The following PKIG variants were observed in gnomAD, a reference collection of about 807,000 sequenced individuals.
PKIG encodes cAMP-dependent protein kinase inhibitor gamma.
PKIG carries 1 observed loss-of-function variant against 6.8 expected under a neutral mutation model. The observed-to-expected ratio is 0.15, with a 90% CI of 0.05 to 0.69. The LOEUF (loss-of-function observed/expected upper bound fraction) is 0.69. Among genes scored for constraint, PKIG ranks in the 30% least tolerant of loss-of-function variants. PKIG has a pLI of 0.82. For synonymous variants in PKIG, 39 were observed against 43.0 expected, an observed-to-expected ratio of 0.91 and a Z score of 0.36; for missense variants, 77 against 104.0, an observed-to-expected ratio of 0.74 and a Z score of 1.13.
intron 1 of PKIG, among the ~76,000 whole-genome samples, chr20:44,568,506 G>T (rs915934942): frequency 6.6e-6 from 1 of 150,990 alleles, no homozygotes; most frequent in African/African-American, 2.4e-5. Flanking sequence ...TTACTCTGTC[G>T]CCTGGGCTGG....
chr20:44,598,591 T>C (rs1226959828), intron 2 of PKIG: 1 of 152,202 alleles, frequency 6.6e-6, no homozygotes, highest in African/African-American at 2.4e-5. Context: ...GATCTCACTT[T>C]CCCTTCCTTC....
chr20:44,580,354 G>GTT (rs949953923), upstream of PKIG, among the ~76,000 whole-genome samples: 1 of 147,038 alleles, frequency 6.8e-6, no homozygotes, highest in Non-Finnish European at 1.5e-5. Flanking sequence ...TTTGTTTTTT[G>GTT]TTTTTTTTTT....
chr20:44,573,277 T>C (rs553100932), intron 1 of PKIG, among the ~76,000 whole-genome samples: 4 of 152,314 alleles, frequency 2.6e-5, no homozygotes, highest in Admixed American at 2.0e-4. Context: ...TGTCTCCCCC[T>C]CTCTCTCTCT....
intron 1 of PKIG, among the ~76,000 whole-genome samples, chr20:44,550,761 C>T (rs3091751): frequency 1.9e-4 from 29 of 152,062 alleles, no homozygotes; most frequent in African/African-American, 5.6e-4. Context: ...AGGCAGAGAG[C>T]GGGACAGTAA....
intron 1 of PKIG, among the ~76,000 whole-genome samples, chr20:44,552,624 C>T (rs1263051242): frequency 2.0e-5 from 3 of 152,162 alleles, no homozygotes; most frequent in African/African-American, 4.8e-5. Flanking sequence ...GTATATAAAT[C>T]TAACCCAACC....
chr20:44,602,281 A>G (rs1290779614), intron 2 of PKIG, among the ~76,000 whole-genome samples: 2 of 152,226 alleles, frequency 1.3e-5, no homozygotes, highest in African/African-American at 4.8e-5. Flanking sequence ...AGATTTCAGC[A>G]AAAACCACCT....
Position 44,614,612 on chromosome 20 carries a change from G to A in PKIG, c.56G>A (p.Arg19His), listed in dbSNP as rs1264736024. 6.2e-7 allele frequency: 1 copy of A among 1,613,952 alleles called. No individual in the cohort carries two copies. Among genetic ancestry groups the A allele is most frequent in the African/African-American group, 1.3e-5 (1 of 74,914 alleles). Residue 19 changes from arginine to histidine, a missense_variant, in exon 3 of 4, where the codon CGT (arginine) becomes CAT (histidine). Physicochemically the swap from Arg to His is conservative, Grantham distance 29. Transcript: ENST00000372886. The surrounding 1 kb of genome is among the most constrained non-coding windows in gnomAD (Gnocchi z 4.6). ...SDFISCDRTG[R>H]RNAVPDIQGD... ...TTCATCTCCTGTGACCGGACAGGCC[G>A]TCGGAATGCGGTCCCTGACATCCAG...
At chr20:44,591,080 A>G (rs1031722725) in intron 2 of PKIG, among the ~76,000 whole-genome samples, 1 of 152,230 alleles carries the variant, frequency 6.6e-6, no homozygotes, top group Non-Finnish European at 1.5e-5. Flanking sequence ...GGCTGACAGT[A>G]GACTAGTAGC....
intron 1 of PKIG, among the ~76,000 whole-genome samples, chr20:44,586,960 C>T (rs1445657398): frequency 6.6e-6 from 1 of 152,204 alleles, no homozygotes; most frequent in African/African-American, 2.4e-5. Flanking sequence ...CTTGACTCTT[C>T]AGAACTGAAT....
chr20:44,557,559 G>A (rs571481341), intron 1 of PKIG, among the ~76,000 whole-genome samples: 119 of 147,090 alleles, frequency 8.1e-4, no homozygotes, highest in African/African-American at 2.9e-3. Flanking sequence ...GGTGGCTTAC[G>A]CCTGTAATCC....
intron 2 of PKIG, among the ~76,000 whole-genome samples, chr20:44,606,007 A>C (rs2065160941): frequency 6.6e-6 from 1 of 152,244 alleles, no homozygotes; most frequent in Non-Finnish European, 1.5e-5. Flanking sequence ...AAACCATAAA[A>C]TAAAATAAAG....
chr20:44,562,023 G>A lies in PKIG; in HGVS notation c.-240-20562G>A, dbSNP rs1476138319. On this transcript the variant is annotated intron_variant, in intron 1 of 4. Transcript: ENST00000372887. ...ATAAAGAGAAGCTAGGCATGGTGGT[G>A]CATGCCTGTAGTCCAAGCTGCTTGG... Among the ~76,000 whole-genome samples, 8 of 152,136 alleles carry A rather than the reference G, an allele frequency of 5.3e-5. No individual in the cohort carries two copies. In the South Asian group the frequency reaches 1.7e-3, roughly 32 times the overall value.
At chr20:44,562,025 A>G (rs1196071544) in intron 1 of PKIG, among the ~76,000 whole-genome samples, 1 of 152,184 alleles carries the variant, frequency 6.6e-6, no homozygotes, top group African/African-American at 2.4e-5. Flanking sequence ...ATGGTGGTGC[A>G]TGCCTGTAGT....
intron 1 of PKIG, among the ~76,000 whole-genome samples, chr20:44,567,255 C>T (rs1013998733): frequency 1.3e-5 from 2 of 152,138 alleles, no homozygotes; most frequent in African/African-American, 4.8e-5. Context: ...CCTGCCATTG[C>T]GCAGCACCTG....
intron 1 of PKIG, among the ~76,000 whole-genome samples, chr20:44,575,885 G>A (rs984284352): frequency 3.3e-5 from 5 of 152,076 alleles, no homozygotes; most frequent in African/African-American, 9.7e-5. Context: ...TCTTCTCGAC[G>A]CCTGCTGTCT....
intron 1 of PKIG, among the ~76,000 whole-genome samples, chr20:44,560,812 C>G (rs539154074): frequency 1.3e-5 from 2 of 152,282 alleles, no homozygotes; most frequent in South Asian, 4.1e-4. Flanking sequence ...CAAATTTTCT[C>G]TCGAGGAAGA....
chr20:44,548,854 CCACACACACACACA>C (rs11469110), intron 1 of PKIG, among the ~76,000 whole-genome samples: 31 of 135,656 alleles, frequency 2.3e-4, no homozygotes, highest in South Asian at 7.6e-4. Context: ...ACTCCTCCCA[CCACACACACACACA>C]CACACACACA....
intron 2 of PKIG, among the ~76,000 whole-genome samples, chr20:44,603,349 A>G (rs1446386746): frequency 6.6e-6 from 1 of 152,162 alleles, no homozygotes; most frequent in Non-Finnish European, 1.5e-5. Flanking sequence ...CACTTTTTGC[A>G]TCACCATCTT....
chr20:44,534,256 A>G (rs1194138084), intron 1 of PKIG, among the ~76,000 whole-genome samples: 1 of 152,158 alleles, frequency 6.6e-6, no homozygotes, highest in Non-Finnish European at 1.5e-5. Flanking sequence ...GTGGGAGTGG[A>G]GGAGCTCCAC....
Sources: allele counts gnomAD v4.1 joint callset (sites outside exome capture counted in the v4.1 genomes callset), GRCh38; gene constraint gnomAD v4.1.1; non-coding constraint Gnocchi (gnomAD v3.1); transcripts MANE v1.5; gene names NCBI Gene and HGNC (gene_info 2026-07-23, HGNC 2026-07-21).